ZIC5: variants seen among roughly 807,000 people sequenced by gnomAD.
ZIC5 encodes the protein Zic family zinc finger 5.
In ZIC5, 20 loss-of-function variants were observed where a neutral mutation model predicts 28.5. That is an observed-to-expected ratio of 0.70 (90% CI 0.49 to 1.02). The LOEUF (loss-of-function observed/expected upper bound fraction) is 1.02, where lower values mean the gene tolerates loss of function less well. Ranked by LOEUF, ZIC5 falls within the 50% of genes least tolerant of loss-of-function variation. The pLI, the probability that ZIC5 is intolerant of heterozygous loss-of-function variation, is 0.00. For synonymous variants in ZIC5, 488 were observed against 410.4 expected (o/e 1.19, Z -2.29); for missense variants, 951 against 899.7 (o/e 1.06, Z -0.73).
chr13:99,968,558 AGGGAAGGCCGCTCCCCTCGCGAGGCCTG>A (rs1300975769), intron 1 of ZIC5, among the ~76,000 whole-genome samples: 2 of 151,974 alleles, frequency 1.3e-5, no homozygotes, highest in East Asian at 3.9e-4. Flanking sequence ...GCAGCCGCCT[AGGGAAGGCCGCTCCCCTCGCGAGGCCTG>A]GGCAGGCGGG....
In ZIC5 at chr13:99,970,644, C is replaced by T. The variant is rs759676532; in HGVS notation, c.960G>A (p.Ala320=). 4 of 1,130,320 alleles carry T rather than the reference C, an allele frequency of 3.5e-6. No individual in the cohort carries two copies. The South Asian group carries it at 6.7e-5, about 19-fold the overall frequency. 70.0% of individuals were successfully genotyped at this position (1,130,320 alleles called of 1,614,324 possible). ...GCTGCAGGTGGGGCCCGGGCCCGGC[C>T]GCTGCTGCGGCCGCCGCAGCCGCCA... ...LNLAAAAAAA[A]AGPGPHLQHH... The change falls in exon 1 of 2, where the codon GCG becomes GCA. Residue 320 remains alanine, a synonymous_variant. Transcript: ENST00000267294.
chr13:99,968,747 G>A (rs541302477), intron 1 of ZIC5, among the ~76,000 whole-genome samples: 1 of 152,206 alleles, frequency 6.6e-6, no homozygotes, highest in Admixed American at 6.5e-5. Flanking sequence ...GCGTTTTTAC[G>A]AGAGCCTCCT....
chr13:99,964,797 G>A lies in ZIC5; in HGVS notation c.*580C>T, dbSNP rs888631243. The A allele has an allele frequency of 1.3e-5, 2 of 151,990 alleles. No individual in the cohort carries two copies. The highest frequency in any genetic ancestry group is 2.9e-5 in the Non-Finnish European group (2 of 67,930). 9.4% of individuals were successfully genotyped at this position (151,990 alleles called of 1,614,324 possible). On this transcript the variant is annotated 3_prime_UTR_variant, in exon 2 of 2. Coordinates refer to ENST00000267294, the MANE Select transcript of ZIC5 (RefSeq NM_033132.5). ...GTTTTTACAAATGTTTTTGGACACA[G>A]GTACGGAACAGGATCTGTTGGCAAT... is the stretch of plus-strand genomic sequence containing the variant.
rs912633798 is a variant in ZIC5, at chr13:99,970,624, A to G, written c.980T>C (p.Leu327Pro). 1 of 1,057,496 alleles carries G rather than the reference A, an allele frequency of 9.5e-7. No homozygotes were observed. Among genetic ancestry groups the G allele is most frequent in the Non-Finnish European group, 1.1e-6 (1 of 880,990 alleles). The allele number at this position is 1,057,496 out of a possible 1,614,324, so 65.5% of individuals were successfully genotyped here. ...AAAAAGPGPHLQHHAPPPAPP... is the reference protein window; with the variant it reads ...AAAAAGPGPHPQHHAPPPAPP... ...CGCCGGGGGCGGCGCGTGGTGCTGC[A>G]GGTGGGGCCCGGGCCCGGCCGCTGC... The change falls in exon 1 of 2, where the codon CTG (leucine) becomes CCG (proline). Residue 327 changes from leucine (L) to proline (P), a missense_variant. This residue lies in a region of ZIC5 where 784 missense variants were observed against 660.1 expected (regional missense o/e 1.19). Transcript: ENST00000267294.
chr13:99,970,677 GT>G lies in ZIC5; in HGVS notation c.926del (p.Asn309ThrfsTer2). Reference sequence around the variant, plus strand: ...CGGCCGCCGCAGCCGCCAGGTTCAGGTTTAAGTTCACGGCTCCGTAGCCGTG... The same window carrying G: ...CGGCCGCCGCAGCCGCCAGGTTCAGGTTAAGTTCACGGCTCCGTAGCCGTG... The part of the protein sequence containing the change: ...ALHGYGAVNL[N>X]LNLAAAAAAA... On this transcript the variant is annotated frameshift_variant, in exon 1 of 2. Transcript: ENST00000267294. LOFTEE classifies it high-confidence loss of function. 8.4e-7 allele frequency: 1 copy of G among 1,194,230 alleles called. No homozygotes were observed. Among genetic ancestry groups the G allele is most frequent in the South Asian group, 1.9e-5 (1 of 52,538 alleles). 74.0% of individuals were successfully genotyped at this position (1,194,230 alleles called of 1,614,324 possible).
At chr13:99,967,296 T>C (rs2053107501) in intron 1 of ZIC5, among the ~76,000 whole-genome samples, 1 of 152,270 alleles carries the variant, frequency 6.6e-6, no homozygotes, top group Non-Finnish European at 1.5e-5. Flanking sequence ...CTGGAAATAC[T>C]GTTTAAAAAC....
chr13:99,969,327 G>A (rs907444202), intron 1 of ZIC5, among the ~76,000 whole-genome samples: 5 of 152,212 alleles, frequency 3.3e-5, no homozygotes, highest in African/African-American at 1.2e-4. Flanking sequence ...TAGAAAGGCA[G>A]ATGTCAACTC....
In ZIC5 at chr13:99,970,109, C is replaced by T. The variant is rs2053136533; in HGVS notation, c.1477+18G>A. The T allele has an allele frequency of 1.3e-6, 2 of 1,595,894 alleles. No individual in the cohort carries two copies. The highest frequency in any genetic ancestry group is 2.2e-5 in the South Asian group (2 of 90,462). ...GCTGGTGGCGGCGGCGGCGGCGCGGCCGGGGACAGACACCCACCTGTATGA... is the reference window on the plus strand; with the variant it reads ...GCTGGTGGCGGCGGCGGCGGCGCGGTCGGGGACAGACACCCACCTGTATGA... On this transcript the variant is annotated intron_variant, in intron 1 of 1. Transcript: ENST00000267294.
chr13:99,966,145 C>T (rs9517942), intron 1 of ZIC5, among the ~76,000 whole-genome samples: 28,644 of 152,012 alleles, frequency 0.19, 3,002 homozygotes, highest in Middle Eastern at 0.26. Context: ...CCCCCTCCCC[C>T]GACAGACACA....
rs1396446119 is a variant in ZIC5, at chr13:99,970,413, T to TGGG, written c.1190_1191insCCC (p.Pro400dup). The TGGG allele has an allele frequency of 2.8e-6, 3 of 1,090,824 alleles. No individual in the cohort carries two copies. The highest frequency in any genetic ancestry group is 1.0e-4 in the Admixed American group (2 of 19,092). 67.6% of individuals were successfully genotyped at this position (1,090,824 alleles called of 1,614,324 possible). On this transcript the variant is annotated inframe_insertion, in exon 1 of 2. Coordinates refer to ENST00000267294, the MANE Select transcript of ZIC5 (RefSeq NM_033132.5). ...GCTTGGCGCCGCCGGCCGGGGGCGGTGGCGGCGGCGGCGGCGGCGGCGGCG... is the reference window on the plus strand; with the variant it reads ...GCTTGGCGCCGCCGGCCGGGGGCGGTGGGGGCGGCGGCGGCGGCGGCGGCGGCG...
In ZIC5 at chr13:99,971,731, T is replaced by G; in HGVS notation, c.-128A>C. ...GTCCTGGCCTCTTAACTCTGCTTAT[T>G]CCTGTTCCCACTCTATCCTCCAGCG... On this transcript the variant is annotated 5_prime_UTR_variant, in exon 1 of 2. Coordinates refer to ENST00000267294, the MANE Select transcript of ZIC5 (RefSeq NM_033132.5). 1.9e-6 allele frequency: 3 copies of G among 1,545,208 alleles called. No homozygotes were observed. Among genetic ancestry groups the G allele is most frequent in the Non-Finnish European group, 2.6e-6 (3 of 1,142,526 alleles).
In ZIC5 at chr13:99,965,803, T is replaced by C. The variant is rs1018887705; in HGVS notation, c.1494A>G (p.Lys498=). The part of the protein sequence containing the change: ...KRTHTGEKPF[K]CEFDGCDRKF... ...TCCTGTCACAGCCATCAAATTCACA[T>C]TTGAAAGGCTTTTCCCCTGCAAGGA... Residue 498 remains lysine (K), a synonymous_variant, in exon 2 of 2, where the codon AAA becomes AAG. Transcript: ENST00000267294. 8 of 1,612,700 alleles carry C rather than the reference T, an allele frequency of 5.0e-6. No individual in the cohort carries two copies. The Admixed American group carries it at 6.7e-5, about 13-fold the overall frequency.
Position 99,971,243 on chromosome 13 carries a change from C to T in ZIC5, c.361G>A (p.Ala121Thr), listed in dbSNP as rs557592465. The T allele has an allele frequency of 5.6e-4, 731 of 1,313,778 alleles. No individual in the cohort carries two copies. The highest frequency in any genetic ancestry group is 8.4e-4 in the Middle Eastern group (3 of 3,568). 81.4% of individuals were successfully genotyped at this position (1,313,778 alleles called of 1,614,324 possible). The change falls in exon 1 of 2, where the codon GCG becomes ACG. Residue 121 changes from alanine (A) to threonine (T), a missense_variant. This residue lies in a region of ZIC5 where 784 missense variants were observed against 660.1 expected (regional missense o/e 1.19). Transcript: ENST00000267294. ...SYPCGGGSSGAQPSAPPPPAP... is the reference protein window; with the variant it reads ...SYPCGGGSSGTQPSAPPPPAP... ...GGGGGCGGGGGCGCGGAGGGCTGCG[C>T]GCCACTGCTGCCCCCGCCGCAGGGG...
chr13:99,971,020 C>A lies in ZIC5; in HGVS notation c.584G>T (p.Gly195Val), dbSNP rs1199035558. The A allele has an allele frequency of 7.1e-6, 10 of 1,416,862 alleles. No homozygotes were observed. Among genetic ancestry groups the A allele is most frequent in the Admixed American group, 3.7e-5 (1 of 27,088 alleles). The allele number at this position is 1,416,862 out of a possible 1,614,324, so 87.8% of individuals were successfully genotyped here. Reference protein sequence around the residue: ...AAAMHGAPLGGEQRSGTGSPQ... With the variant: ...AAAMHGAPLGVEQRSGTGSPQ... ...GGAGCCGGTGCCGGACCGCTGCTCC[C>A]CTCCGAGCGGGGCCCCGTGCATGGC... Residue 195 changes from glycine to valine, a missense_variant, in exon 1 of 2, where the codon GGG becomes GTG. Gly to Val is a moderately radical substitution (Grantham distance 109, BLOSUM62 -3). This residue lies in a region of ZIC5 where 784 missense variants were observed against 660.1 expected (regional missense o/e 1.19). Coordinates refer to ENST00000267294, the MANE Select transcript of ZIC5 (RefSeq NM_033132.5).
rs761861313 is a variant in ZIC5 at position 99,971,443 on chromosome 13, C to G, written c.161G>C (p.Arg54Pro). 1.3e-6 allele frequency: 2 copies of G among 1,545,164 alleles called. No individual in the cohort carries two copies. The highest frequency in any genetic ancestry group is 4.9e-5 in the East Asian group (2 of 40,842). The change falls in exon 1 of 2, where the codon CGG becomes CCG. Residue 54 changes from arginine to proline, a missense_variant. By Grantham distance (103) the Arg-to-Pro change is moderately radical (BLOSUM62 -2). Around this residue, in one of 3 missense-constraint regions of ZIC5, gnomAD observed 784 missense variants for 660.1 expected, o/e 1.19. Transcript: ENST00000267294. ...CACGCCGGGGTCAGCGCCCAGGTCC[C>G]GCAGGCGGAGGTGCGCGACGGCGGC... is the stretch of plus-strand genomic sequence containing the variant. ...LRAAVAHLRL[R>P]DLGADPGVAT...
chr13:99,971,622 C>A lies in ZIC5; in HGVS notation c.-19G>T. The A allele has an allele frequency of 6.4e-7, 1 of 1,560,160 alleles. No homozygotes were observed. On this transcript the variant is annotated 5_prime_UTR_variant, in exon 1 of 2. Transcript: ENST00000267294. The stretch of plus-strand genomic sequence containing the variant: ...GCTCCATCAGAACTACACAATCAGG[C>A]CCATAGACCCTCACTGGGGGGACTT...
At position 99,970,578 on chromosome 13, in the gene ZIC5, GGGCGCCGGCGGCGGCGGC is replaced by G. The variant is rs746163974; in HGVS notation, c.1008_1025del (p.Pro337_Pro342del). The stretch of plus-strand genomic sequence containing the variant: ...GGTGGTGCTGGTGCGGGTGCTGCGC[GGGCGCCGGCGGCGGCGGC>G]GGCGCCGGGGGCGGCGCGTGGTGCT... On this transcript the variant is annotated inframe_deletion, in exon 1 of 2. Coordinates refer to ENST00000267294, the MANE Select transcript of ZIC5 (RefSeq NM_033132.5). 566 of 1,002,752 alleles carry G rather than the reference GGGCGCCGGCGGCGGCGGC, an allele frequency of 5.6e-4. 15 individuals are homozygous for G. Among genetic ancestry groups the G allele is most frequent in the African/African-American group, 9.5e-4 (54 of 56,672 alleles). 62.1% of individuals were successfully genotyped at this position (1,002,752 alleles called of 1,614,324 possible). A position where few individuals can be genotyped will look rare whatever the true frequency, so the allele number is the denominator to read the frequency against.
Position 99,970,698 on chromosome 13 carries a change from G to C in ZIC5, c.906C>G (p.Gly302=). The change falls in exon 1 of 2, where the codon GGC becomes GGG. Residue 302 remains glycine, a synonymous_variant. Coordinates refer to ENST00000267294, the MANE Select transcript of ZIC5 (RefSeq NM_033132.5). The part of the protein sequence containing the change: ...VAAAAAAALH[G]YGAVNLNLNL... ...TCAGGTTTAAGTTCACGGCTCCGTA[G>C]CCGTGCAGGGCGGCCGCCGCTGCGG... is the stretch of plus-strand genomic sequence containing the variant. The C allele has an allele frequency of 1.7e-6, 2 of 1,182,186 alleles. No individual in the cohort carries two copies. The highest frequency in any genetic ancestry group is 2.1e-6 in the Non-Finnish European group (2 of 951,844). The allele number at this position is 1,182,186 out of a possible 1,614,324, so 73.2% of individuals were successfully genotyped here. A position where few individuals can be genotyped will look rare whatever the true frequency, so the allele number is the denominator to read the frequency against.
chr13:99,965,312 T>C lies in ZIC5; in HGVS notation c.*65A>G. 6.7e-7 allele frequency: 1 copy of C among 1,487,086 alleles called. No homozygotes were observed. The highest frequency in any genetic ancestry group is 9.0e-7 in the Non-Finnish European group (1 of 1,106,894). The allele number at this position is 1,487,086 out of a possible 1,614,324, so 92.1% of individuals were successfully genotyped here. A position where few individuals can be genotyped will look rare whatever the true frequency, so the allele number is the denominator to read the frequency against. ...GGTTTGTCTCAGGCTCGGCATTGTC[T>C]CAGGTTAGGATGTGGTCCAAGGACT... On this transcript the variant is annotated 3_prime_UTR_variant, in exon 2 of 2. Transcript: ENST00000267294.
Sources: allele counts gnomAD v4.1 joint callset (sites outside exome capture counted in the v4.1 genomes callset), GRCh38; gene constraint gnomAD v4.1.1; regional missense constraint gnomAD v4.1.1; transcripts MANE v1.5; gene names NCBI Gene and HGNC (gene_info 2026-07-23, HGNC 2026-07-21).